The following CACNA2D1 variants were observed in gnomAD, a reference collection of about 807,000 sequenced individuals.
The protein encoded by CACNA2D1 is calcium voltage-gated channel auxiliary subunit alpha2delta 1, also known as voltage-dependent calcium channel subunit alpha-2/delta-1.
In CACNA2D1, 53 loss-of-function variants were observed where a neutral mutation model predicts 171.5. That is an observed-to-expected ratio of 0.31 (90% CI 0.25 to 0.39). The LOEUF (loss-of-function observed/expected upper bound fraction) is 0.39, where lower values mean the gene tolerates loss of function less well. Ranked by LOEUF, CACNA2D1 falls within the 10% of genes least tolerant of loss-of-function variation. The pLI, the probability that CACNA2D1 is intolerant of heterozygous loss-of-function variation, is 1.00. For synonymous variants in CACNA2D1, 442 were observed against 443.1 expected (o/e 1.00, Z 0.03); for missense variants, 903 against 1,299.8 (o/e 0.69, Z 4.69).
At chr7:82,271,472 C>T (rs746704681) in intron 3 of CACNA2D1, among the ~76,000 whole-genome samples, 10 of 151,876 alleles carry the variant, frequency 6.6e-5, no homozygotes, top group Admixed American at 3.9e-4. Flanking sequence ...TTCTACCATC[C>T]ACAAATGAAC....
At chr7:82,101,471 C>T (rs1812676298) in intron 6 of CACNA2D1, among the ~76,000 whole-genome samples, 1 of 152,076 alleles carries the variant, frequency 6.6e-6, no homozygotes, top group Admixed American at 6.6e-5. Flanking sequence ...AAATGAAAAT[C>T]TAAAAGTTCC....
chr7:82,164,476 AAG>A (rs1795244434), intron 4 of CACNA2D1, among the ~76,000 whole-genome samples: 1 of 151,992 alleles, frequency 6.6e-6, no homozygotes, highest in Admixed American at 6.6e-5. Flanking sequence ...AAATTGGAGA[AAG>A]AAGAAATTTC....
rs181806024 is a variant in CACNA2D1, at chr7:82,322,795, G to C, written c.294+12340C>G. 6.6e-5 allele frequency among the ~76,000 whole-genome samples: 10 copies of C among 152,136 alleles called. No homozygotes were observed. In the East Asian group the frequency reaches 1.9e-3, roughly 29 times the overall value. The stretch of plus-strand genomic sequence containing the variant: ...TTTAGAAGCTTTAAACAATTATGAA[G>C]AACAGATGCAAAGAACACCTGTGTA... On this transcript the variant is annotated intron_variant, in intron 3 of 38. Transcript: ENST00000356860.
At chr7:82,343,493 TA>T (rs1818913730) in intron 2 of CACNA2D1, among the ~76,000 whole-genome samples, 1 of 152,182 alleles carries the variant, frequency 6.6e-6, no homozygotes, top group South Asian at 2.1e-4. Context: ...ACAGAAAAAC[TA>T]AACTATAACA....
intron 3 of CACNA2D1, among the ~76,000 whole-genome samples, chr7:82,180,043 A>G (rs369323468): frequency 2.5e-4 from 38 of 152,228 alleles, no homozygotes; most frequent in African/African-American, 8.9e-4. Flanking sequence ...ATTAGTCCCA[A>G]TTTCAATCAC....
intron 1 of CACNA2D1, among the ~76,000 whole-genome samples, chr7:82,415,869 G>A (rs1429484852): frequency 2.0e-5 from 3 of 151,934 alleles, no homozygotes; most frequent in Non-Finnish European, 2.9e-5. Context: ...TCATATTTTG[G>A]AATCCAAACA....
intron 29 of CACNA2D1, among the ~76,000 whole-genome samples, chr7:81,968,577 T>A (rs1430102869): frequency 6.6e-6 from 1 of 151,268 alleles, no homozygotes; most frequent in African/African-American, 2.4e-5. Context: ...AAGAGAGACT[T>A]CTGGAGGTGG....
intron 18 of CACNA2D1, among the ~76,000 whole-genome samples, chr7:82,002,746 T>C (rs774584856): frequency 4.6e-5 from 7 of 152,112 alleles, no homozygotes; most frequent in Admixed American, 1.3e-4. Context: ...TAATTCAACA[T>C]ACGTCAAAAT....
intron 2 of CACNA2D1, among the ~76,000 whole-genome samples, chr7:82,343,834 C>G (rs962312782): frequency 1.1e-4 from 17 of 152,226 alleles, no homozygotes; most frequent in African/African-American, 3.9e-4. Flanking sequence ...GCTGAGTGAG[C>G]TGCCTGTTTA....
chr7:81,965,757 A>C (rs1034310254), intron 31 of CACNA2D1, 92 bp from the exon 32 acceptor site: 4 of 787,402 alleles, frequency 5.1e-6, no homozygotes, highest in Non-Finnish European at 9.1e-6. Context: ...TAGAGCAATA[A>C]AAATAGAAAA....
chr7:82,324,460 A>T (rs1816392159), intron 3 of CACNA2D1, among the ~76,000 whole-genome samples: 1 of 152,040 alleles, frequency 6.6e-6, no homozygotes, highest in African/African-American at 2.4e-5. Flanking sequence ...TACGAAAATT[A>T]AAATGCTGAG....
chr7:81,951,714 T>A (rs577820375), intron 38 of CACNA2D1, among the ~76,000 whole-genome samples: 1 of 152,224 alleles, frequency 6.6e-6, no homozygotes, highest in East Asian at 1.9e-4. Flanking sequence ...GTTGTATATA[T>A]ACCACATTTT....
chr7:82,152,952 C>T (rs1227135653), intron 4 of CACNA2D1, among the ~76,000 whole-genome samples: 2 of 151,304 alleles, frequency 1.3e-5, no homozygotes, highest in African/African-American at 4.9e-5. Context: ...TATTAACTTT[C>T]GAGAACATTC....
chr7:82,334,895 A>T (rs1299517232), intron 3 of CACNA2D1, among the ~76,000 whole-genome samples: 1 of 152,084 alleles, frequency 6.6e-6, no homozygotes, highest in Non-Finnish European at 1.5e-5. Flanking sequence ...ATGTGGATAC[A>T]TATACATATA....
intron 4 of CACNA2D1, among the ~76,000 whole-genome samples, chr7:82,141,707 G>A (rs1792416856): frequency 6.6e-6 from 1 of 152,190 alleles, no homozygotes; most frequent in Non-Finnish European, 1.5e-5. Context: ...ATGGTTGGAT[G>A]ACATGACCAC....
chr7:82,402,568 A>T (rs900748859), intron 1 of CACNA2D1, among the ~76,000 whole-genome samples: 1 of 151,608 alleles, frequency 6.6e-6, no homozygotes, highest in African/African-American at 2.4e-5. Flanking sequence ...AAAATTAGCC[A>T]GACGTGATGG....
intron 11 of CACNA2D1, among the ~76,000 whole-genome samples, chr7:82,034,882 A>G (rs1224872141): frequency 1.3e-5 from 2 of 152,108 alleles, no homozygotes; most frequent in Non-Finnish European, 2.9e-5. Context: ...TAGGGCATAC[A>G]CAAAAGAAGG....
At chr7:82,066,912 A>C (rs1356776825) in intron 7 of CACNA2D1, among the ~76,000 whole-genome samples, 1 of 152,022 alleles carries the variant, frequency 6.6e-6, no homozygotes, top group Non-Finnish European at 1.5e-5. Flanking sequence ...GTTCAATGCC[A>C]TATTCTCTTG....
Position 82,295,809 on chromosome 7 carries a change from C to T in CACNA2D1, c.294+39326G>A, listed in dbSNP as rs567682725. ...ATGCTGCTATAAAGACACATGAACA[C>T]GTATGTTTATTGCGGCACTATTCAC... On this transcript the variant is annotated intron_variant, in intron 3 of 38. Transcript: ENST00000356860. 9.9e-4 allele frequency among the ~76,000 whole-genome samples: 150 copies of T among 152,046 alleles called. 1 individual carries two copies. The highest frequency in any genetic ancestry group is 3.4e-3 in the Middle Eastern group (1 of 294).
Sources: allele counts gnomAD v4.1 joint callset (sites outside exome capture counted in the v4.1 genomes callset), GRCh38; gene constraint gnomAD v4.1.1; transcripts MANE v1.5; gene names NCBI Gene and HGNC (gene_info 2026-07-23, HGNC 2026-07-21).